The following KLHL29 variants were observed in gnomAD, a reference collection of about 807,000 sequenced individuals.
KLHL29 encodes the protein kelch-like protein 29.
A neutral mutation model predicts 80.4 loss-of-function variants in KLHL29; 21 were observed. The observed-to-expected ratio is 0.26, with a 90% CI of 0.19 to 0.38. The LOEUF is 0.38. Among genes scored for constraint, KLHL29 ranks in the 10% least tolerant of loss-of-function variants. The pLI, the probability that KLHL29 is intolerant of heterozygous loss-of-function variation, is 1.00. For synonymous variants in KLHL29, 511 were observed against 526.8 expected (o/e 0.97, Z 0.41); for missense variants, 867 against 1,223.9 (o/e 0.71, Z 4.35).
At chr2:23,513,405 C>A (rs144917303) in intron 2 of KLHL29, among the ~76,000 whole-genome samples, 16 of 152,306 alleles carry the variant, frequency 1.1e-4, no homozygotes, top group African/African-American at 3.4e-4. Flanking sequence ...AATGCCTGCC[C>A]TCGGAAATCC....
chr2:23,664,948 G>T (rs758184898), intron 5 of KLHL29, among the ~76,000 whole-genome samples: 1 of 152,274 alleles, frequency 6.6e-6, no homozygotes, highest in Non-Finnish European at 1.5e-5. Flanking sequence ...AGCTGAGGAG[G>T]TGAAGGGCCA....
At position 23,639,272 on chromosome 2, in the gene KLHL29, A is replaced by G; in HGVS notation, c.419A>G (p.Asp140Gly). The G allele has an allele frequency of 1.9e-6, 3 of 1,547,534 alleles. No individual in the cohort carries two copies. Among genetic ancestry groups the G allele is most frequent in the Non-Finnish European group, 2.6e-6 (3 of 1,145,258 alleles). Reference sequence around the variant, plus strand: ...CCCTCCAAACAGATGAGAGAGAGTGACAATCCAGGTACGTACCTCATCGGC... The same window carrying G: ...CCCTCCAAACAGATGAGAGAGAGTGGCAATCCAGGTACGTACCTCATCGGC... ...EPPSKQMRESDNPGTGPWVTT... is the reference protein window; with the variant it reads ...EPPSKQMRESGNPGTGPWVTT... The change falls in exon 4 of 14, where the codon GAC (aspartate) becomes GGC (glycine). Residue 140 changes from aspartate to glycine, a missense_variant. This residue lies in a region of KLHL29 where 424 missense variants were observed against 456.9 expected (regional missense o/e 0.93). Coordinates refer to ENST00000486442, the MANE Select transcript of KLHL29 (RefSeq NM_052920.2).
chr2:23,521,525 G>A (rs1666103473), intron 2 of KLHL29, among the ~76,000 whole-genome samples: 2 of 152,194 alleles, frequency 1.3e-5, no homozygotes, highest in Non-Finnish European at 2.9e-5. Flanking sequence ...GGGCAGTCAT[G>A]AGCTCCCTCA....
chr2:23,416,807 CTT>C (rs988242563), intron 1 of KLHL29, among the ~76,000 whole-genome samples: 16 of 152,306 alleles, frequency 1.1e-4, no homozygotes, highest in African/African-American at 3.8e-4. Flanking sequence ...CACATTCTCT[CTT>C]CAGTATTGTT....
chr2:23,686,521 C>A (rs1332599789), intron 6 of KLHL29, among the ~76,000 whole-genome samples: 1 of 152,062 alleles, frequency 6.6e-6, no homozygotes, highest in Non-Finnish European at 1.5e-5. Flanking sequence ...GGGGGATGGG[C>A]AGAGGATGGG....
At chr2:23,425,740 ACAT>A (rs1662989162) in intron 1 of KLHL29, among the ~76,000 whole-genome samples, 1 of 152,218 alleles carries the variant, frequency 6.6e-6, no homozygotes, top group African/African-American at 2.4e-5. Context: ...GGTGCAGGCG[ACAT>A]CATTTCTGAG....
At chr2:23,446,350 C>G (rs1663677758) in intron 1 of KLHL29, among the ~76,000 whole-genome samples, 1 of 152,164 alleles carries the variant, frequency 6.6e-6, no homozygotes, top group Non-Finnish European at 1.5e-5. Flanking sequence ...ACTTTCTCTT[C>G]TCTTCCATTG....
At chr2:23,449,751 A>G (rs1349624884) in intron 1 of KLHL29, among the ~76,000 whole-genome samples, 1 of 152,106 alleles carries the variant, frequency 6.6e-6, no homozygotes, top group Admixed American at 6.5e-5. Context: ...CTAATTAGAG[A>G]ACCTTAGGCA....
chr2:23,666,806 G>A (rs1170466243), intron 5 of KLHL29, among the ~76,000 whole-genome samples: 1 of 152,240 alleles, frequency 6.6e-6, no homozygotes. Context: ...CTGGCACAGA[G>A]GTAAAGGCAG....
intron 3 of KLHL29, among the ~76,000 whole-genome samples, chr2:23,621,001 C>T (rs1312524038): frequency 2.0e-5 from 3 of 152,214 alleles, no homozygotes; most frequent in East Asian, 1.9e-4. Flanking sequence ...GGGAGCCAGG[C>T]GGAAGGTCTT....
At chr2:23,452,913 C>A (rs1663928910) in intron 1 of KLHL29, among the ~76,000 whole-genome samples, 1 of 122,078 alleles carries the variant, frequency 8.2e-6, no homozygotes, top group African/African-American at 3.5e-5. Flanking sequence ...CCCCCCCGCC[C>A]ACACACACAC....
At chr2:23,547,187 C>T (rs745915338) in intron 2 of KLHL29, among the ~76,000 whole-genome samples, 11 of 152,178 alleles carry the variant, frequency 7.2e-5, no homozygotes, top group Admixed American at 1.3e-4. Context: ...CTCCCAGCCC[C>T]GCTCCCTGGC....
chr2:23,524,364 G>A, intron 2 of KLHL29: 1 of 186,440 alleles, frequency 5.4e-6, no homozygotes. Flanking sequence ...TAGCAGGCCA[G>A]GAAATACCTT....
intron 2 of KLHL29, among the ~76,000 whole-genome samples, chr2:23,523,567 G>A (rs536975015): frequency 6.6e-6 from 1 of 152,180 alleles, no homozygotes; most frequent in South Asian, 2.1e-4. Flanking sequence ...CGTCTGATTT[G>A]GATTTTTTTC....
At chr2:23,429,990 A>G (rs1047723217) in intron 1 of KLHL29, among the ~76,000 whole-genome samples, 1 of 152,156 alleles carries the variant, frequency 6.6e-6, no homozygotes, top group Non-Finnish European at 1.5e-5. Flanking sequence ...AAATGAATGA[A>G]TCTCATTTTA....
rs1314638634 is a variant in KLHL29, at chr2:23,706,599, C to A, written c.2563C>A (p.His855Asn). ...PTTNTWTLLP[H>N]MPCPVFRHGC... is the part of the protein sequence containing the mutation. ...AACCAACACATGGACCCTCCTCCCC[C>A]ACATGCCCTGCCCTGTGTTCAGACA... Residue 855 changes from histidine (H) to asparagine (N), a missense_variant, in exon 14 of 14, where the codon CAC becomes AAC. Physicochemically the swap from His to Asn is moderately conservative, Grantham distance 68. Around this residue, in one of 2 missense-constraint regions of KLHL29, gnomAD observed 443 missense variants for 767.0 expected, o/e 0.58. Coordinates refer to ENST00000486442, the MANE Select transcript of KLHL29 (RefSeq NM_052920.2). 4.3e-5 allele frequency: 66 copies of A among 1,537,074 alleles called. No homozygotes were observed. The highest frequency in any genetic ancestry group is 3.3e-4 in the Middle Eastern group (2 of 6,012).
At chr2:23,414,428 A>G (rs1666938894) in intron 1 of KLHL29, among the ~76,000 whole-genome samples, 1 of 152,240 alleles carries the variant, frequency 6.6e-6, no homozygotes, top group African/African-American at 2.4e-5. Context: ...TGTTAAAAGC[A>G]AGAAATTAAC....
chr2:23,433,110 CTTCTGGTGGCAGAGCACCCT>C (rs1663231632), intron 1 of KLHL29, among the ~76,000 whole-genome samples: 1 of 152,226 alleles, frequency 6.6e-6, no homozygotes. Context: ...GCCGGTGCCC[CTTCTGGTGGCAGAGCACCCT>C]TGGGTCAGCG....
chr2:23,633,736 G>A (rs1047028541), intron 3 of KLHL29, among the ~76,000 whole-genome samples: 2 of 67,290 alleles, frequency 3.0e-5, no homozygotes, highest in Non-Finnish European at 5.5e-5. Context: ...TGACATCTCT[G>A]TCAAAAGAGT....
Sources: allele counts gnomAD v4.1 joint callset (sites outside exome capture counted in the v4.1 genomes callset), GRCh38; gene constraint gnomAD v4.1.1; regional missense constraint gnomAD v4.1.1; transcripts MANE v1.5; gene names NCBI Gene and HGNC (gene_info 2026-07-23, HGNC 2026-07-21).